GPC5: variants seen among roughly 807,000 people sequenced by gnomAD.
GPC5 encodes glypican 5, also known as glypican-5.
In GPC5, 47 loss-of-function variants were observed where a neutral mutation model predicts 53.9. That is an observed-to-expected ratio of 0.87 (90% CI 0.69 to 1.11). The LOEUF (loss-of-function observed/expected upper bound fraction) is 1.11, where lower values mean the gene tolerates loss of function less well. GPC5 is among the 50% of genes most tolerant of loss of function. The pLI, the probability that GPC5 is intolerant of heterozygous loss-of-function variation, is 0.00. For synonymous variants in GPC5, 286 were observed against 263.3 expected, an observed-to-expected ratio of 1.09 and a Z score of -0.84; for missense variants, 748 against 713.1, an observed-to-expected ratio of 1.05 and a Z score of -0.56.
intron 1 of GPC5, among the ~76,000 whole-genome samples, chr13:91,410,557 A>G (rs543364811): frequency 6.6e-5 from 10 of 151,594 alleles, no homozygotes; most frequent in East Asian, 2.0e-4. Context: ...TGTGTTAGCC[A>G]GGATGGTCTC....
chr13:92,421,005 C>G (rs1434252643), intron 7 of GPC5, among the ~76,000 whole-genome samples: 1 of 152,290 alleles, frequency 6.6e-6, no homozygotes, highest in South Asian at 2.1e-4. Context: ...TGGAATGATA[C>G]CAGTTTAGTG....
Position 92,433,291 on chromosome 13 carries a change from T to C in GPC5, c.1561+288302T>C, listed in dbSNP as rs369848360. On this transcript the variant is annotated intron_variant, in intron 7 of 7. Coordinates refer to ENST00000377067, the MANE Select transcript of GPC5 (RefSeq NM_004466.6). ...AAGGCAGAATATCTAGATACAGAGA[T>C]AGCTATGGGGATGAGTTTGGTAGAC... 1.9e-3 allele frequency among the ~76,000 whole-genome samples: 294 copies of C among 152,086 alleles called. 1 individual carries two copies. Among genetic ancestry groups the C allele is most frequent in the African/African-American group, 4.9e-3 (203 of 41,502 alleles).
chr13:91,925,651 T>C (rs192708040), intron 6 of GPC5, among the ~76,000 whole-genome samples: 22 of 152,320 alleles, frequency 1.4e-4, no homozygotes, highest in African/African-American at 4.1e-4. Context: ...ACAAATCTTA[T>C]TGAGGTCTTA....
At chr13:92,789,024 C>T (rs1009463459) in intron 7 of GPC5, among the ~76,000 whole-genome samples, 4 of 152,122 alleles carry the variant, frequency 2.6e-5, no homozygotes, top group Non-Finnish European at 5.9e-5. Context: ...AGAAAGCCCT[C>T]GTCAGGCCAG....
At chr13:91,547,987 C>G (rs748789114) in intron 2 of GPC5, among the ~76,000 whole-genome samples, 2 of 152,082 alleles carry the variant, frequency 1.3e-5, no homozygotes, top group Non-Finnish European at 2.9e-5. Flanking sequence ...AAGAATATCT[C>G]TAAAAAACCT....
chr13:91,523,310 T>A (rs542148139), intron 2 of GPC5, among the ~76,000 whole-genome samples: 1 of 152,196 alleles, frequency 6.6e-6, no homozygotes, highest in Non-Finnish European at 1.5e-5. Flanking sequence ...ATTGCAGCAT[T>A]GTATACAATA....
intron 1 of GPC5, among the ~76,000 whole-genome samples, chr13:91,439,103 C>G (rs1018780523): frequency 2.0e-5 from 3 of 152,214 alleles, no homozygotes; most frequent in African/African-American, 7.2e-5. Context: ...TTCCCAGGCT[C>G]TTTTGAAGGC....
intron 7 of GPC5, among the ~76,000 whole-genome samples, chr13:92,804,775 ACTT>A (rs1430218084): frequency 6.6e-6 from 1 of 152,018 alleles, no homozygotes; most frequent in African/African-American, 2.4e-5. Flanking sequence ...CCTCAGAAGA[ACTT>A]CTTTCAAAAT....
chr13:92,770,254 AT>A (rs1487785100), intron 7 of GPC5, among the ~76,000 whole-genome samples: 1 of 152,006 alleles, frequency 6.6e-6, no homozygotes, highest in African/African-American at 2.4e-5. Flanking sequence ...TCTCTAAAAG[AT>A]ATCAAAAAAT....
intron 7 of GPC5, among the ~76,000 whole-genome samples, chr13:92,272,265 G>A (rs930943757): frequency 1.3e-5 from 2 of 152,054 alleles, no homozygotes; most frequent in African/African-American, 4.8e-5. Flanking sequence ...GAAGAAGAAA[G>A]GTAGAAACAC....
chr13:91,427,410 A>C (rs997204800), intron 1 of GPC5, among the ~76,000 whole-genome samples: 2 of 152,186 alleles, frequency 1.3e-5, no homozygotes, highest in Admixed American at 1.3e-4. Flanking sequence ...ATGGAGTCAA[A>C]TGAGATCTTT....
chr13:92,649,735 G>A (rs1885893977), intron 7 of GPC5, among the ~76,000 whole-genome samples: 1 of 152,046 alleles, frequency 6.6e-6, no homozygotes, highest in African/African-American at 2.4e-5. Context: ...GTTCATTGGT[G>A]TCTCTCTCCT....
intron 7 of GPC5, among the ~76,000 whole-genome samples, chr13:92,259,810 C>T (rs964344143): frequency 3.9e-5 from 6 of 152,128 alleles, no homozygotes; most frequent in Admixed American, 6.5e-5. Flanking sequence ...CTGTGCTTTG[C>T]TGCCTCTGTA....
intron 7 of GPC5, among the ~76,000 whole-genome samples, chr13:92,445,982 A>G (rs1446117299): frequency 6.6e-6 from 1 of 151,982 alleles, no homozygotes; most frequent in Non-Finnish European, 1.5e-5. Context: ...CATAGTAGGT[A>G]TATATGTTTA....
At chr13:92,011,706 CAATT>C (rs952763963) in intron 6 of GPC5, among the ~76,000 whole-genome samples, 7 of 152,112 alleles carry the variant, frequency 4.6e-5, no homozygotes, top group African/African-American at 1.7e-4. Flanking sequence ...TTTTCAAAGT[CAATT>C]AAACATTTAA....
chr13:92,317,659 A>AT (rs11362785), intron 7 of GPC5, among the ~76,000 whole-genome samples: 1 of 151,370 alleles, frequency 6.6e-6, no homozygotes. Flanking sequence ...ATGTCTGCTA[A>AT]TTTTTTTTAT....
chr13:92,345,336 A>G lies in GPC5; in HGVS notation c.1561+200347A>G, dbSNP rs79294519. Among the ~76,000 whole-genome samples the G allele has an allele frequency of 8.2e-3, 1,252 of 152,302 alleles. 20 individuals carry two copies. The highest frequency in any genetic ancestry group is 0.012 in the Non-Finnish European group (825 of 68,032). On this transcript the variant is annotated intron_variant, in intron 7 of 7. Coordinates refer to ENST00000377067, the MANE Select transcript of GPC5 (RefSeq NM_004466.6). ...AGATTGAATGTACGTAATATAAAGTATACTTTCTAATGTATGAAAGAGAAA... is the reference window on the plus strand; with the variant it reads ...AGATTGAATGTACGTAATATAAAGTGTACTTTCTAATGTATGAAAGAGAAA...
chr13:91,965,614 G>A (rs751533319), intron 6 of GPC5, among the ~76,000 whole-genome samples: 128 of 152,204 alleles, frequency 8.4e-4, no homozygotes, highest in Non-Finnish European at 1.7e-3. Context: ...ATGAATGAGA[G>A]GGTATTAATT....
At chr13:92,111,190 A>T (rs1469890518) in intron 6 of GPC5, among the ~76,000 whole-genome samples, 1 of 152,194 alleles carries the variant, frequency 6.6e-6, no homozygotes, top group East Asian at 1.9e-4. Flanking sequence ...TCACTCTGCC[A>T]TCCTTTACAT....
Sources: gnomAD v4.1 joint callset for allele counts (sites outside exome capture counted in the v4.1 genomes callset) on GRCh38, gnomAD v4.1.1 for gene constraint, MANE v1.5 for transcripts, NCBI Gene and HGNC (gene_info 2026-07-23, HGNC 2026-07-21) for gene names.